CTSB: variants seen among roughly 807,000 people sequenced by gnomAD.
CTSB encodes the protein APP secretase.
In CTSB, 57 loss-of-function variants were observed where a neutral mutation model predicts 44.3. The observed-to-expected ratio is 1.29, with a 90% confidence interval of 1.04 to 1.60. CTSB has a LOEUF of 1.60. CTSB is among the 40% of genes most tolerant of loss of function. The pLI, the probability that CTSB is intolerant of heterozygous loss-of-function variation, is 0.00. For synonymous variants in CTSB, 320 were observed against 168.0 expected (o/e 1.91, Z -7.00); for missense variants, 768 against 443.0 (o/e 1.73, Z -6.59).
In CTSB at chr8:11,851,096, T is replaced by C. The variant is rs1814512379; in HGVS notation, c.213-116A>G. ...CTAACAAGGAAATGAGCACAAGACA[T>C]GCCGAAGAAGGCTGCAGACAGGTGT... On this transcript the variant is annotated intron_variant, in intron 3 of 9. Coordinates refer to ENST00000353047, the MANE Select transcript of CTSB (RefSeq NM_001908.5). 13 of 561,114 alleles carry C rather than the reference T, an allele frequency of 2.3e-5. No homozygotes were observed. The South Asian group carries it at 2.9e-4, about 12-fold the overall frequency. The allele number at this position is 561,114 out of a possible 1,614,324, so 34.8% of individuals were successfully genotyped here. A position where few individuals can be genotyped will look rare whatever the true frequency, so the allele number is the denominator to read the frequency against.
In CTSB at chr8:11,843,376, T is replaced by G. The variant is rs546643056; in HGVS notation, c.*1749A>C. ...AGTCACATCAGAAGCCAAACTTGAA[T>G]GCTTTTGGAAAGAGCTAGCCTCATA... On this transcript the variant is annotated 3_prime_UTR_variant, in exon 10 of 10. Transcript: ENST00000353047. The G allele has an allele frequency of 5.9e-5, 9 of 152,338 alleles. No homozygotes were observed. The South Asian group carries it at 1.9e-3, about 32-fold the overall frequency. The allele number at this position is 152,338 out of a possible 1,614,324, so 9.4% of individuals were successfully genotyped here. A position where few individuals can be genotyped will look rare whatever the true frequency, so the allele number is the denominator to read the frequency against.
intron 1 of CTSB, among the ~76,000 whole-genome samples, chr8:11,864,722 G>T (rs538387321): frequency 6.6e-6 from 1 of 151,882 alleles, no homozygotes; most frequent in Non-Finnish European, 1.5e-5. Context: ...TTTGGGAGGC[G>T]AGGCGGGCAG....
intron 1 of CTSB, among the ~76,000 whole-genome samples, chr8:11,861,818 C>T (rs531664975): frequency 6.6e-6 from 1 of 152,124 alleles, no homozygotes; most frequent in African/African-American, 2.4e-5. Context: ...TAGTGTTCTG[C>T]CTCTCCAGCT....
At chr8:11,857,989 G>T (rs966992300) in intron 1 of CTSB, 1 of 152,288 alleles carries the variant, frequency 6.6e-6, no homozygotes, top group African/African-American at 2.4e-5. Context: ...CAGGAGACCT[G>T]CATTTGGATC....
chr8:11,848,955 C>A lies in CTSB; in HGVS notation c.446+91G>T. On this transcript the variant is annotated intron_variant, in intron 5 of 9. Coordinates refer to ENST00000353047, the MANE Select transcript of CTSB (RefSeq NM_001908.5). ...CGAAACACTTCTGACTCGCAGCAGT[C>A]CCAGGAAGTCCTCAAAGTCCCCTCC... is the stretch of plus-strand genomic sequence containing the variant. The A allele has an allele frequency of 7.7e-6, 7 of 907,346 alleles. 1 individual carries two copies. The South Asian group carries it at 1.0e-4, about 13-fold the overall frequency. 56.2% of individuals were successfully genotyped at this position (907,346 alleles called of 1,614,324 possible). A position where few individuals can be genotyped will look rare whatever the true frequency, so the allele number is the denominator to read the frequency against.
rs1814798492 is a variant in CTSB, at chr8:11,852,639, G to A, written c.183C>T (p.Thr61=). The change falls in exon 3 of 10, where the codon ACC becomes ACT. Residue 61 remains threonine (T), a synonymous_variant. Transcript: ENST00000353047. ...DMSYLKRLCG[T]FLGGPKPPQR... ...GGGGTGGCTTGGGCCCACCCAGGAA[G>A]GTACCACATAGCCTCTTCAAGTAGC... 1 of 1,613,958 alleles carries A rather than the reference G, an allele frequency of 6.2e-7. No individual in the cohort carries two copies. Among genetic ancestry groups the A allele is most frequent in the South Asian group, 1.1e-5 (1 of 91,080 alleles).
chr8:11,867,898 T>A (rs1313512924), intron 1 of CTSB, 103 bp downstream of exon 1: 1 of 143,440 alleles, frequency 7.0e-6, no homozygotes, highest in Non-Finnish European at 1.5e-5. Context: ...GGGCCGCGCC[T>A]GGGCCCGACT....
intron 5 of CTSB, 128 bp downstream of exon 5, chr8:11,848,918 T>C (rs565697292): frequency 2.6e-5 from 17 of 654,266 alleles, no homozygotes; most frequent in Non-Finnish European, 4.2e-5. Context: ...TGCCAGACTC[T>C]CGGAGTCTCC....
At chr8:11,852,578 C>T (rs749609428) in intron 3 of CTSB, 32 bp downstream of exon 3, 106 of 1,581,470 alleles carry the variant, frequency 6.7e-5, no homozygotes, top group Non-Finnish European at 8.4e-5. Context: ...CTGCCACTCA[C>T]ATTACAGCGG....
In CTSB at chr8:11,844,268, T is replaced by A. The variant is rs1405300240; in HGVS notation, c.*857A>T. 2 of 152,228 alleles carry A rather than the reference T, an allele frequency of 1.3e-5. No homozygotes were observed. The highest frequency in any genetic ancestry group is 4.8e-5 in the African/African-American group (2 of 41,458). 9.4% of individuals were successfully genotyped at this position (152,228 alleles called of 1,614,324 possible). The stretch of plus-strand genomic sequence containing the variant: ...TGCAGGGACAAAGAGAGACAGCAGC[T>A]ACAAGTCTATAGGCAGTGACAAAGG... On this transcript the variant is annotated 3_prime_UTR_variant, in exon 10 of 10. Coordinates refer to ENST00000353047, the MANE Select transcript of CTSB (RefSeq NM_001908.5).
chr8:11,851,642 T>C (rs145161865), intron 3 of CTSB, among the ~76,000 whole-genome samples: 14 of 152,258 alleles, frequency 9.2e-5, no homozygotes, highest in African/African-American at 3.4e-4. Flanking sequence ...CTGCCCAGGA[T>C]CCTCTCATCA....
chr8:11,848,380 A>AAGAC (rs1563391846), intron 5 of CTSB: 1 of 658,620 alleles, frequency 1.5e-6, no homozygotes, highest in Non-Finnish European at 2.8e-6. Context: ...GATCCGGGAG[A>AAGAC]AGACAGGAGG....
intron 3 of CTSB, 40 bp from the exon 4 acceptor site, chr8:11,851,020 C>G (rs1479891670): frequency 6.8e-7 from 1 of 1,472,390 alleles, no homozygotes. Flanking sequence ...TCTGATCCCA[C>G]AACTCCCTCC....
At chr8:11,848,224 C>T (rs748865586) in intron 5 of CTSB, 72 bp from the exon 6 acceptor site, 7 of 1,422,480 alleles carry the variant, frequency 4.9e-6, no homozygotes, top group South Asian at 4.6e-5. Flanking sequence ...GTGTGCTACC[C>T]AAGTGCCCGA....
intron 1 of CTSB, chr8:11,864,503 AAATG>A (rs1458500247): frequency 2.0e-5 from 3 of 152,118 alleles, no homozygotes; most frequent in African/African-American, 7.2e-5. Flanking sequence ...ATCAAACAAT[AAATG>A]AATGAATGCA....
intron 3 of CTSB, among the ~76,000 whole-genome samples, chr8:11,851,820 C>A (rs1469611459): frequency 6.6e-6 from 1 of 152,118 alleles, no homozygotes; most frequent in African/African-American, 2.4e-5. Context: ...GCGCCCGCCA[C>A]CACGCCTGGC....
At position 11,845,742 on chromosome 8, in the gene CTSB, G is replaced by A. The variant is rs145252189; in HGVS notation, c.841C>T (p.Arg281Cys). The A allele has an allele frequency of 2.9e-5, 47 of 1,613,998 alleles. No individual in the cohort carries two copies. The highest frequency in any genetic ancestry group is 1.6e-4 in the Middle Eastern group (1 of 6,082). Residue 281 changes from arginine (R) to cysteine (C), a missense_variant, in exon 9 of 10, where the codon CGC (arginine) becomes TGC (cysteine). Physicochemically the swap from Arg to Cys is radical, Grantham distance 180 (BLOSUM62 -3). Coordinates refer to ENST00000353047, the MANE Select transcript of CTSB (RefSeq NM_001908.5). ...TGEMMGGHAIRILGWGVENGT... is the reference protein window; with the variant it reads ...TGEMMGGHAICILGWGVENGT... ...TTCTCCACTCCCCAGCCCAGGATGC[G>A]GATGGCATGGCCACCCATCATCTCT...
chr8:11,861,777 G>A (rs1043050030), intron 1 of CTSB, among the ~76,000 whole-genome samples: 1 of 152,212 alleles, frequency 6.6e-6, no homozygotes, highest in African/African-American at 2.4e-5. Context: ...GAGATCCTTT[G>A]AGATTGCAAT....
chr8:11,850,800 C>A, intron 4 of CTSB, 66 bp downstream of exon 4: 1 of 1,199,340 alleles, frequency 8.3e-7, no homozygotes, highest in South Asian at 1.3e-5. Context: ...CCCGAATCCC[C>A]CAAGACTCTC....
Sources: allele counts gnomAD v4.1 joint callset (sites outside exome capture counted in the v4.1 genomes callset), GRCh38; gene constraint gnomAD v4.1.1; transcripts MANE v1.5; gene names NCBI Gene and HGNC (gene_info 2026-07-23, HGNC 2026-07-21).